Variants in ZNF529 observed in about 807,000 individuals in gnomAD.
ZNF529 encodes the protein zinc finger protein 529.
In ZNF529, 11 loss-of-function variants were observed where a neutral mutation model predicts 10.1. That is an observed-to-expected ratio of 1.09 (90% CI 0.69 to 1.81). The LOEUF (loss-of-function observed/expected upper bound fraction) is 1.81, where lower values mean the gene tolerates loss of function less well. Ranked by LOEUF, ZNF529 falls within the 40% of genes most tolerant of loss-of-function variation. The probability of loss-of-function intolerance (pLI) is 0.00; values close to 1 mark genes in which losing one functional copy is unlikely to be tolerated. For missense variants in ZNF529, 624 were observed against 666.8 expected (o/e 0.94, Z 0.71); for synonymous variants, 204 against 215.7 (o/e 0.95, Z 0.47).
chr19:36,586,042 T>C (rs1384340797), intron 2 of ZNF529, among the ~76,000 whole-genome samples: 1 of 152,076 alleles, frequency 6.6e-6, no homozygotes, highest in Non-Finnish European at 1.5e-5. Context: ...AAGACAGGAG[T>C]GTCCAGTGTG....
chr19:36,589,466 T>C (rs1249290316), intron 2 of ZNF529: 1 of 152,200 alleles, frequency 6.6e-6, no homozygotes, highest in Non-Finnish European at 1.5e-5. Context: ...TGGTGTTGAC[T>C]CTTACTGTGT....
upstream of ZNF529, among the ~76,000 whole-genome samples, chr19:36,575,124 C>G (rs367557256): frequency 6.6e-6 from 1 of 152,308 alleles, no homozygotes; most frequent in African/African-American, 2.4e-5. Context: ...CTGAATGTGT[C>G]TGTGCTAATT....
intron 4 of ZNF529, among the ~76,000 whole-genome samples, chr19:36,552,410 G>C (rs1026572506): frequency 2.6e-5 from 4 of 152,156 alleles, no homozygotes; most frequent in African/African-American, 9.7e-5. Flanking sequence ...CTGGGTGACA[G>C]AGCGAGACTG....
At chr19:36,557,509 G>A (rs1012137485) in intron 2 of ZNF529, among the ~76,000 whole-genome samples, 1 of 152,140 alleles carries the variant, frequency 6.6e-6, no homozygotes, top group African/African-American at 2.4e-5. Context: ...AAAACCATCA[G>A]CTCCTGTGAG....
At chr19:36,586,698 T>G (rs1482325304) in intron 2 of ZNF529, among the ~76,000 whole-genome samples, 1 of 152,202 alleles carries the variant, frequency 6.6e-6, no homozygotes, top group East Asian at 1.9e-4. Flanking sequence ...AGCATTACTC[T>G]CCTGTTCAGT....
intron 1 of ZNF529, among the ~76,000 whole-genome samples, chr19:36,602,117 G>A (rs1364741202): frequency 6.7e-6 from 1 of 149,576 alleles, no homozygotes; most frequent in Non-Finnish European, 1.5e-5. Context: ...GCGCGATCTC[G>A]GCTCACTGCA....
intron 2 of ZNF529, among the ~76,000 whole-genome samples, chr19:36,588,966 A>C (rs2036644171): frequency 6.9e-6 from 1 of 144,706 alleles, no homozygotes; most frequent in Admixed American, 6.9e-5. Context: ...TTTTTAAGAC[A>C]GGATCACGCT....
At chr19:36,574,896 A>T (rs1375826571), upstream of ZNF529, 3 of 471,140 alleles carry the variant, frequency 6.4e-6, no homozygotes, top group South Asian at 3.1e-5. Context: ...GTTGCTGGGT[A>T]ATTGGTAAGT....
At chr19:36,590,485 A>G (rs2036680864) in intron 1 of ZNF529, among the ~76,000 whole-genome samples, 2 of 152,324 alleles carry the variant, frequency 1.3e-5, no homozygotes, top group South Asian at 4.1e-4. Context: ...CCTAGAATCA[A>G]TAACTACAGG....
intron 1 of ZNF529, among the ~76,000 whole-genome samples, chr19:36,595,215 A>C (rs1000059156): frequency 6.6e-6 from 1 of 152,172 alleles, no homozygotes; most frequent in African/African-American, 2.4e-5. Flanking sequence ...AACTTCCTTC[A>C]GTAGCATTGG....
intron 1 of ZNF529, among the ~76,000 whole-genome samples, chr19:36,599,058 T>C (rs2036884373): frequency 6.6e-6 from 1 of 152,178 alleles, no homozygotes; most frequent in Non-Finnish European, 1.5e-5. Context: ...AGTTAACAAA[T>C]TGAAAATATT....
At chr19:36,602,567 C>T (rs2036944148) in intron 1 of ZNF529, among the ~76,000 whole-genome samples, 1 of 152,012 alleles carries the variant, frequency 6.6e-6, no homozygotes, top group Admixed American at 6.6e-5. Context: ...AACCCCTGTT[C>T]TAGACCCAGA....
intron 2 of ZNF529, among the ~76,000 whole-genome samples, chr19:36,557,983 TA>T (rs1180076692): frequency 4.6e-5 from 7 of 151,582 alleles, no homozygotes; most frequent in African/African-American, 1.7e-4. Flanking sequence ...TCAACAGAGA[TA>T]AAAATTATTA....
chr19:36,595,729 T>C (rs1174217985), intron 1 of ZNF529, among the ~76,000 whole-genome samples: 4 of 152,216 alleles, frequency 2.6e-5, no homozygotes, highest in East Asian at 3.9e-4. Context: ...GGCAAGTAAT[T>C]TGCCTAAATT....
intron 2 of ZNF529, among the ~76,000 whole-genome samples, chr19:36,565,224 C>A (rs2035851715): frequency 6.6e-6 from 1 of 151,970 alleles, no homozygotes; most frequent in Admixed American, 6.6e-5. Context: ...TGCAAATGTA[C>A]CCCCTGAATC....
chr19:36,577,692 A>G, upstream of ZNF529: 1 of 152,382 alleles, frequency 6.6e-6, no homozygotes, highest in South Asian at 2.1e-4. Context: ...TGTGTTGCTC[A>G]GTTTGTCTCA....
intron 2 of ZNF529, chr19:36,580,862 A>G (rs1335397327): frequency 1.3e-5 from 2 of 152,236 alleles, no homozygotes; most frequent in African/African-American, 2.4e-5. Context: ...AATTATTTAC[A>G]TAGCATTTAC....
rs1289899505 is a variant in ZNF529, at chr19:36,554,630, A to G, written c.235+40T>C. ...TTCACTGAATATCAGTTGATAGTCT[A>G]GAGAGTATATTCTAAGTTATTTAAG... On this transcript the variant is annotated intron_variant, in intron 4 of 4. Coordinates refer to ENST00000591340, the MANE Select transcript of ZNF529 (RefSeq NM_020951.5). 5 of 1,481,882 alleles carry G rather than the reference A, an allele frequency of 3.4e-6. No individual in the cohort carries two copies. The South Asian group carries it at 5.4e-5, about 16-fold the overall frequency. 91.8% of individuals were successfully genotyped at this position (1,481,882 alleles called of 1,614,324 possible).
intron 1 of ZNF529, among the ~76,000 whole-genome samples, chr19:36,600,023 C>G (rs957906429): frequency 1.3e-5 from 2 of 152,188 alleles, no homozygotes; most frequent in East Asian, 3.9e-4. Context: ...CATGTGCCAC[C>G]GTGCCCAGCT....
Sources: allele counts gnomAD v4.1 joint callset (sites outside exome capture counted in the v4.1 genomes callset), GRCh38; gene constraint gnomAD v4.1.1; transcripts MANE v1.5; gene names NCBI Gene and HGNC (gene_info 2026-07-23, HGNC 2026-07-21).